The following HDHD2 variants were observed in gnomAD, a reference collection of about 807,000 sequenced individuals.
HDHD2 encodes the protein haloacid dehalogenase-like hydrolase domain-containing protein 2.
Under a neutral mutation model 24.8 loss-of-function variants are expected in HDHD2, and 26 were observed. The observed-to-expected ratio is 1.05, with a 90% CI of 0.77 to 1.45. The LOEUF is 1.45. HDHD2 is among the 40% of genes most tolerant of loss of function. The pLI is 0.00. For missense variants in HDHD2, 299 were observed against 313.4 expected (o/e 0.95, Z 0.35); for synonymous variants, 128 against 114.9 (o/e 1.11, Z -0.73).
intron 1 of HDHD2, among the ~76,000 whole-genome samples, chr18:47,149,606 C>T (rs1283180490): frequency 2.0e-5 from 3 of 152,160 alleles, no homozygotes; most frequent in Admixed American, 6.5e-5. Context: ...TTGCCTCCCT[C>T]GTTGCGGGAC....
intron 6 of HDHD2, chr18:47,111,678 A>G (rs1013517306): frequency 1.0e-6 from 1 of 985,402 alleles, no homozygotes; most frequent in African/African-American, 1.7e-5. Context: ...GCAAGGCTCC[A>G]ATGGTTCACT....
At chr18:47,118,706 C>T (rs116312285) in intron 4 of HDHD2, among the ~76,000 whole-genome samples, 3,082 of 152,294 alleles carry the variant, frequency 0.02, 91 homozygotes, top group African/African-American at 0.07. Context: ...CAACTCTGCA[C>T]ATCCTGTACT....
At chr18:47,118,565 A>T (rs528802520) in intron 4 of HDHD2, among the ~76,000 whole-genome samples, 1 of 152,274 alleles carries the variant, frequency 6.6e-6, no homozygotes, top group Non-Finnish European at 1.5e-5. Context: ...AGAACAACAC[A>T]GACTCCGGCC....
chr18:47,131,810 T>C (rs1327897797), intron 3 of HDHD2, among the ~76,000 whole-genome samples: 1 of 152,232 alleles, frequency 6.6e-6, no homozygotes, highest in Non-Finnish European at 1.5e-5. Flanking sequence ...GATCTCTTTG[T>C]AGTTCTTTTG....
chr18:47,129,083 T>C (rs1170311545), intron 4 of HDHD2, among the ~76,000 whole-genome samples: 1 of 152,286 alleles, frequency 6.6e-6, no homozygotes, highest in Non-Finnish European at 1.5e-5. Context: ...TAGTCCAATA[T>C]GCAATATTTT....
At chr18:47,136,567 C>A in intron 1 of HDHD2, 118 bp from the exon 2 acceptor site, 1 of 718,684 alleles carries the variant, frequency 1.4e-6, no homozygotes, top group Non-Finnish European at 2.0e-6. Flanking sequence ...TGTTAAGCTG[C>A]TTCCATTTTG....
intron 4 of HDHD2, among the ~76,000 whole-genome samples, chr18:47,119,544 C>G (rs2063586287): frequency 6.6e-6 from 1 of 152,204 alleles, no homozygotes. Context: ...GGCACTACTT[C>G]TAATTCTAGT....
At position 47,107,987 on chromosome 18, in the gene HDHD2, A is replaced by G. The variant is rs939900667; in HGVS notation, c.*695T>C. On this transcript the variant is annotated 3_prime_UTR_variant, in exon 7 of 7. Transcript: ENST00000300605. The stretch of plus-strand genomic sequence containing the variant: ...ATAAAATTTCCAAAACAACTGTTAC[A>G]CAGTATAATAGGTATCTGCAATGAA... The G allele has an allele frequency of 2.0e-4, 30 of 152,806 alleles. No homozygotes were observed. Among genetic ancestry groups the G allele is most frequent in the African/African-American group, 7.2e-4 (30 of 41,588 alleles). The allele number at this position is 152,806 out of a possible 1,614,324, so 9.5% of individuals were successfully genotyped here. A position where few individuals can be genotyped will look rare whatever the true frequency, so the allele number is the denominator to read the frequency against.
chr18:47,124,132 A>G (rs967230615), intron 4 of HDHD2, among the ~76,000 whole-genome samples: 1 of 152,238 alleles, frequency 6.6e-6, no homozygotes, highest in Non-Finnish European at 1.5e-5. Flanking sequence ...ATGAACTTCT[A>G]TTTCACACAA....
intron 1 of HDHD2, among the ~76,000 whole-genome samples, chr18:47,137,538 G>C (rs2063777404): frequency 6.6e-6 from 1 of 152,160 alleles, no homozygotes; most frequent in African/African-American, 2.4e-5. Context: ...ATCAAGTGGA[G>C]ATGGGATGGG....
Position 47,108,433 on chromosome 18 carries a change from G to C in HDHD2, c.*249C>G, listed in dbSNP as rs111711797. Reference sequence around the variant, plus strand: ...ACCTAACCTGATGAATATTTTAAAAGGAATGGCACAAAATCTCAGCTTTCC... The same window carrying C: ...ACCTAACCTGATGAATATTTTAAAACGAATGGCACAAAATCTCAGCTTTCC... On this transcript the variant is annotated 3_prime_UTR_variant, in exon 7 of 7. Transcript: ENST00000300605. The C allele has an allele frequency of 1.3e-4, 47 of 359,038 alleles. 1 individual carries two copies. The highest frequency in any genetic ancestry group is 9.9e-4 in the African/African-American group (47 of 47,528). 22.2% of individuals were successfully genotyped at this position (359,038 alleles called of 1,614,324 possible).
At chr18:47,141,200 C>A (rs1044738993) in intron 1 of HDHD2, among the ~76,000 whole-genome samples, 4 of 152,180 alleles carry the variant, frequency 2.6e-5, no homozygotes, top group African/African-American at 9.7e-5. Flanking sequence ...ACTACTTTTT[C>A]TGTATCCAAT....
At chr18:47,123,871 A>C (rs1368539153) in intron 4 of HDHD2, among the ~76,000 whole-genome samples, 1 of 152,240 alleles carries the variant, frequency 6.6e-6, no homozygotes, top group Non-Finnish European at 1.5e-5. Context: ...AGTTGATTTC[A>C]AAATCTGTGT....
intron 4 of HDHD2, among the ~76,000 whole-genome samples, chr18:47,127,652 G>C (rs2063671922): frequency 6.9e-6 from 1 of 144,216 alleles, no homozygotes; most frequent in South Asian, 2.2e-4. Context: ...TGTTTTTCGA[G>C]ATGAGCCGAG....
chr18:47,111,882 T>C, intron 6 of HDHD2: 1 of 762,938 alleles, frequency 1.3e-6, no homozygotes, highest in East Asian at 1.3e-4. Context: ...GTAACTCTTC[T>C]TTGACTTTAT....
Position 47,108,718 on chromosome 18 carries a change from A to G in HDHD2, c.744T>C (p.Pro248=). 1 of 1,609,512 alleles carries G rather than the reference A, an allele frequency of 6.2e-7. No individual in the cohort carries two copies. Among genetic ancestry groups the G allele is most frequent in the Non-Finnish European group, 8.5e-7 (1 of 1,176,274 alleles). ...PPPYLTCESF[P]HAVDHILQHL... is the part of the protein sequence containing the mutation. ...GCTGCAGAATGTGGTCCACAGCATG[A>G]GGGAAACTCTCACAAGTTAAGTAAG... The change falls in exon 7 of 7, where the codon CCT becomes CCC. Residue 248 remains proline, a synonymous_variant. Coordinates refer to ENST00000300605, the MANE Select transcript of HDHD2 (RefSeq NM_032124.5).
chr18:47,139,025 G>A (rs1236455711), intron 1 of HDHD2, among the ~76,000 whole-genome samples: 1 of 152,178 alleles, frequency 6.6e-6, no homozygotes, highest in Non-Finnish European at 1.5e-5. Flanking sequence ...GAGGCTGATA[G>A]GAGGGTGAAC....
At chr18:47,137,029 A>G (rs2063773359) in intron 1 of HDHD2, 1 of 693,530 alleles carries the variant, frequency 1.4e-6, no homozygotes, top group South Asian at 1.4e-5. Flanking sequence ...TGGCCAACAA[A>G]AAGCCCAAGG....
rs777943774 is a variant in HDHD2 at position 47,134,517 on chromosome 18, G to A, written c.289C>T (p.Arg97Trp). Residue 97 changes from arginine to tryptophan, a missense_variant, in exon 3 of 7, where the codon CGG becomes TGG. Arg to Trp is a moderately radical substitution (Grantham distance 101). Transcript: ENST00000300605. ...QVRPMLLVDD[R>W]ALPDFKGIQT... ...CTACCTTTGAAATCAGGTAGTGCCCGATCATCAACTAGCAGCATGGGTCTG... is the reference window on the plus strand; with the variant it reads ...CTACCTTTGAAATCAGGTAGTGCCCAATCATCAACTAGCAGCATGGGTCTG... 17 of 1,613,786 alleles carry A rather than the reference G, an allele frequency of 1.1e-5. No individual in the cohort carries two copies. The highest frequency in any genetic ancestry group is 1.0e-4 in the Admixed American group (6 of 59,990).
Sources: allele counts gnomAD v4.1 joint callset (sites outside exome capture counted in the v4.1 genomes callset), GRCh38; gene constraint gnomAD v4.1.1; transcripts MANE v1.5; gene names NCBI Gene and HGNC (gene_info 2026-07-23, HGNC 2026-07-21).